The following VGLL4 variants were observed in gnomAD, a reference collection of about 807,000 sequenced individuals.
VGLL4 encodes the protein transcription cofactor vestigial-like protein 4.
VGLL4 carries 7 observed loss-of-function variants against 21.0 expected under a neutral mutation model. The observed-to-expected ratio is 0.33, with a 90% CI of 0.19 to 0.63. The LOEUF (loss-of-function observed/expected upper bound fraction) is 0.63. Among genes scored for constraint, VGLL4 ranks in the 20% least tolerant of loss-of-function variants. The pLI, the probability that VGLL4 is intolerant of heterozygous loss-of-function variation, is 0.78. For missense variants in VGLL4, 394 were observed against 425.7 expected (o/e 0.93, Z 0.66); for synonymous variants, 222 against 173.2 (o/e 1.28, Z -2.21).
intron 2 of VGLL4, among the ~76,000 whole-genome samples, chr3:11,580,206 T>C (rs2074186431): frequency 6.6e-6 from 1 of 152,220 alleles, no homozygotes; most frequent in Non-Finnish European, 1.5e-5. Context: ...GGAACTACCA[T>C]TCTACCTTCT....
intron 2 of VGLL4, among the ~76,000 whole-genome samples, chr3:11,681,496 G>C (rs2076370651): frequency 6.6e-6 from 1 of 152,242 alleles, no homozygotes; most frequent in South Asian, 2.1e-4. Flanking sequence ...GTCGGCTCAT[G>C]GAGGAGCTGA....
At chr3:11,635,567 A>T (rs749539456) in intron 1 of VGLL4, among the ~76,000 whole-genome samples, 11 of 152,222 alleles carry the variant, frequency 7.2e-5, no homozygotes, top group Non-Finnish European at 1.5e-4. Flanking sequence ...AAAATATAGA[A>T]CCAAATACTG....
rs2073886868 is a variant in VGLL4, at chr3:11,573,295, GAAAGA to G, written c.273-8281_273-8277del. Among the ~76,000 whole-genome samples, 13 of 12,500 alleles carry G rather than the reference GAAAGA, an allele frequency of 1.0e-3. 1 individual carries two copies. The highest frequency in any genetic ancestry group is 4.2e-3 in the South Asian group (1 of 236). The allele number at this position is 12,500 out of a possible 152,430, so 8.2% of individuals were successfully genotyped here. ...AGAAAGAAAGAAAGAAAGAAAGAAA[GAAAGA>G]AAGAAAGGAAGGAAGGAAGAAAGAA... On this transcript the variant is annotated intron_variant, in intron 2 of 4. Transcript: ENST00000430365.
At chr3:11,601,588 G>C (rs910675901) in intron 2 of VGLL4, among the ~76,000 whole-genome samples, 1 of 152,202 alleles carries the variant, frequency 6.6e-6, no homozygotes, top group African/African-American at 2.4e-5. Context: ...AACTTCTATG[G>C]AGTTTAACAT....
At chr3:11,618,122 G>A (rs150232726) in intron 1 of VGLL4, among the ~76,000 whole-genome samples, 70 of 152,204 alleles carry the variant, frequency 4.6e-4, no homozygotes, top group African/African-American at 1.6e-3. Flanking sequence ...GAATACCGAT[G>A]TTTAAAAACT....
intron 1 of VGLL4, among the ~76,000 whole-genome samples, chr3:11,611,350 G>C (rs1049875680): frequency 6.6e-6 from 1 of 152,186 alleles, no homozygotes; most frequent in African/African-American, 2.4e-5. Flanking sequence ...ATTGCAGAAA[G>C]GCCACCATGC....
Position 11,576,540 on chromosome 3 carries a change from C to T in VGLL4, c.273-11521G>A, listed in dbSNP as rs144255540. Among the ~76,000 whole-genome samples the T allele has an allele frequency of 3.3e-5, 5 of 152,328 alleles. No homozygotes were observed. The East Asian group carries it at 5.8e-4, about 18-fold the overall frequency. Reference sequence around the variant, plus strand: ...GTGGACAAAACCCTGGGAGACACGGCGATCTCTGCACAGCAGCAGAGGCAT... The same window carrying T: ...GTGGACAAAACCCTGGGAGACACGGTGATCTCTGCACAGCAGCAGAGGCAT... On this transcript the variant is annotated intron_variant, in intron 2 of 4. Transcript: ENST00000430365.
intron 2 of VGLL4, among the ~76,000 whole-genome samples, chr3:11,680,778 C>T (rs1324363487): frequency 6.6e-6 from 1 of 152,238 alleles, no homozygotes; most frequent in Non-Finnish European, 1.5e-5. Flanking sequence ...CCATCTCTGC[C>T]ACCGACTTGC....
intron 1 of VGLL4, among the ~76,000 whole-genome samples, chr3:11,636,742 T>C (rs2075595701): frequency 6.6e-6 from 1 of 152,190 alleles, no homozygotes; most frequent in South Asian, 2.1e-4. Flanking sequence ...TAGTTTTCCA[T>C]TACACCAAGG....
intron 2 of VGLL4, chr3:11,702,747 A>C: frequency 3.6e-6 from 1 of 280,156 alleles, no homozygotes; most frequent in Non-Finnish European, 6.6e-6. Flanking sequence ...AAAAAAAACA[A>C]AAAAAAAAAC....
chr3:11,578,936 G>C (rs1283466689), intron 2 of VGLL4, among the ~76,000 whole-genome samples: 4 of 151,828 alleles, frequency 2.6e-5, no homozygotes, highest in African/African-American at 9.7e-5. Flanking sequence ...TTTTAGTAGA[G>C]ACGGGGTTTC....
intron 1 of VGLL4, among the ~76,000 whole-genome samples, chr3:11,711,745 T>C (rs1033724673): frequency 2.0e-5 from 3 of 151,516 alleles, no homozygotes; most frequent in East Asian, 1.9e-4. Context: ...AATTTAGAGG[T>C]ATTTACTGGG....
At chr3:11,615,652 T>C (rs1247435462) in intron 1 of VGLL4, among the ~76,000 whole-genome samples, 4 of 152,180 alleles carry the variant, frequency 2.6e-5, no homozygotes, top group Admixed American at 2.0e-4. Context: ...ATTTTTTTGT[T>C]TGGGTTCTGT....
At chr3:11,721,469 C>T (rs904847151), upstream of VGLL4, among the ~76,000 whole-genome samples, 25 of 152,206 alleles carry the variant, frequency 1.6e-4, no homozygotes, top group African/African-American at 5.5e-4. Context: ...TACAAGTCAA[C>T]CTAGGAATAG....
At chr3:11,627,207 C>CAT (rs1190980475) in intron 1 of VGLL4, 1 of 134,476 alleles carries the variant, frequency 7.4e-6, no homozygotes, top group Non-Finnish European at 1.5e-5. Context: ...TTTATACACA[C>CAT]ACACACACAC....
At chr3:11,657,040 C>A (rs2075968920) in intron 2 of VGLL4, among the ~76,000 whole-genome samples, 1 of 152,192 alleles carries the variant, frequency 6.6e-6, no homozygotes, top group Admixed American at 6.5e-5. Flanking sequence ...GCTGAGCCCT[C>A]TGTACTCTTC....
intron 3 of VGLL4, among the ~76,000 whole-genome samples, chr3:11,561,707 C>A (rs1425664416): frequency 6.6e-6 from 1 of 152,018 alleles, no homozygotes; most frequent in East Asian, 1.9e-4. Context: ...AAATGAAGGC[C>A]AGAAACACCC....
At chr3:11,575,840 G>T (rs2074025627) in intron 2 of VGLL4, among the ~76,000 whole-genome samples, 1 of 152,194 alleles carries the variant, frequency 6.6e-6, no homozygotes, top group African/African-American at 2.4e-5. Flanking sequence ...TCCAATTCCA[G>T]CATTCAGAGA....
Position 11,564,737 on chromosome 3 carries a change from A to G in VGLL4, c.495+60T>C. 5.4e-6 allele frequency: 8 copies of G among 1,484,380 alleles called. No homozygotes were observed. The South Asian group carries it at 6.2e-5, about 12-fold the overall frequency. The allele number at this position is 1,484,380 out of a possible 1,614,324, so 92.0% of individuals were successfully genotyped here. A position where few individuals can be genotyped will look rare whatever the true frequency, so the allele number is the denominator to read the frequency against. ...CGGAGTCCTCTGCTCGGGGCTCTCC[A>G]TCCAGCCCAGTCCCCCAGCCCCTGG... is the stretch of plus-strand genomic sequence containing the variant. On this transcript the variant is annotated intron_variant, in intron 3 of 4. Coordinates refer to ENST00000430365, the MANE Select transcript of VGLL4 (RefSeq NM_001128219.3).
Sources: gnomAD v4.1 joint callset for allele counts (sites outside exome capture counted in the v4.1 genomes callset) on GRCh38, gnomAD v4.1.1 for gene constraint, MANE v1.5 for transcripts, NCBI Gene and HGNC (gene_info 2026-07-23, HGNC 2026-07-21) for gene names.